Variants in KIAA1328 observed in about 807,000 individuals in gnomAD.
KIAA1328 encodes the protein protein hinderin.
In KIAA1328, 52 loss-of-function variants were observed where a neutral mutation model predicts 68.1. That is an observed-to-expected ratio of 0.76 (90% CI 0.61 to 0.96). KIAA1328 has a LOEUF of 0.96. Ranked by LOEUF, KIAA1328 falls within the 40% of genes least tolerant of loss-of-function variation. The pLI is 0.00. For missense variants in KIAA1328, 641 were observed against 677.6 expected, an observed-to-expected ratio of 0.95 and a Z score of 0.60; for synonymous variants, 232 against 239.4, an observed-to-expected ratio of 0.97 and a Z score of 0.28.
At chr18:37,020,671 C>T (rs781079019) in intron 6 of KIAA1328, among the ~76,000 whole-genome samples, 1 of 152,080 alleles carries the variant, frequency 6.6e-6, no homozygotes, top group Non-Finnish European at 1.5e-5. Flanking sequence ...AGAATTTAAT[C>T]CTGTCTCTTG....
intron 6 of KIAA1328, among the ~76,000 whole-genome samples, chr18:37,057,118 GA>G (rs1295656567): frequency 6.6e-6 from 1 of 151,886 alleles, no homozygotes; most frequent in Non-Finnish European, 1.5e-5. Flanking sequence ...TTATTACATA[GA>G]AAAAAATGTA....
At chr18:37,187,963 A>G (rs1471313962) in intron 9 of KIAA1328, among the ~76,000 whole-genome samples, 1 of 152,184 alleles carries the variant, frequency 6.6e-6, no homozygotes. Context: ...CTCACCACAA[A>G]TGGTGTTTAT....
rs145036116 is a variant in KIAA1328 at position 36,850,770 on chromosome 18, C to G, written c.332+6468C>G. Among the ~76,000 whole-genome samples, 33 of 152,274 alleles carry G rather than the reference C, an allele frequency of 2.2e-4. 1 individual carries two copies. In the East Asian group the frequency reaches 6.2e-3, roughly 29 times the overall value. The stretch of plus-strand genomic sequence containing the variant: ...GCTGGCCAAAGGATGATTCATGTCC[C>G]AGGCAGGACTGAGTTGAACTGCACC... On this transcript the variant is annotated intron_variant, in intron 4 of 9. Transcript: ENST00000280020.
intron 6 of KIAA1328, among the ~76,000 whole-genome samples, chr18:37,007,450 A>G (rs1311360973): frequency 3.9e-5 from 6 of 152,312 alleles, no homozygotes; most frequent in East Asian, 1.9e-4. Context: ...TGATTGTTCA[A>G]CTGAAAGAAC....
Position 37,224,936 on chromosome 18 carries a change from A to T in KIAA1328, c.*2709A>T. On this transcript the variant is annotated 3_prime_UTR_variant, in exon 10 of 10. Transcript: ENST00000280020. The stretch of plus-strand genomic sequence containing the variant: ...AGGCCCACAGTTCTTGATGCAGAGA[A>T]CCAAAGTGAATCATAGAAAAGCTTT... The T allele has an allele frequency of 1.0e-6, 1 of 985,476 alleles. No homozygotes were observed. Among genetic ancestry groups the T allele is most frequent in the Non-Finnish European group, 1.2e-6 (1 of 829,950 alleles). The allele number at this position is 985,476 out of a possible 1,614,324, so 61.0% of individuals were successfully genotyped here. A position where few individuals can be genotyped will look rare whatever the true frequency, so the allele number is the denominator to read the frequency against.
chr18:36,944,971 A>G (rs1314685309), intron 5 of KIAA1328, among the ~76,000 whole-genome samples: 2 of 152,192 alleles, frequency 1.3e-5, no homozygotes, highest in African/African-American at 4.8e-5. Flanking sequence ...AATAATGAGG[A>G]AGAGGGAGAG....
chr18:37,127,187 A>T (rs947204617), intron 7 of KIAA1328, among the ~76,000 whole-genome samples: 3 of 152,220 alleles, frequency 2.0e-5, no homozygotes, highest in African/African-American at 7.2e-5. Context: ...AAAAGTTACT[A>T]GAACTACTAA....
intron 5 of KIAA1328, among the ~76,000 whole-genome samples, chr18:36,942,010 G>A (rs1212316782): frequency 1.3e-5 from 2 of 152,162 alleles, no homozygotes; most frequent in African/African-American, 2.4e-5. Context: ...AATAAATATG[G>A]TACTTTGCCT....
chr18:36,992,826 A>G (rs2053242159), intron 6 of KIAA1328, among the ~76,000 whole-genome samples: 1 of 152,168 alleles, frequency 6.6e-6, no homozygotes, highest in Non-Finnish European at 1.5e-5. Flanking sequence ...AAAACAGGCC[A>G]GGTGTGATGG....
chr18:37,009,621 A>G (rs763456178), intron 6 of KIAA1328, among the ~76,000 whole-genome samples: 15 of 152,212 alleles, frequency 9.9e-5, no homozygotes, highest in Non-Finnish European at 1.8e-4. Flanking sequence ...ACAGTGTGCA[A>G]GACCATCCAC....
intron 6 of KIAA1328, among the ~76,000 whole-genome samples, chr18:37,019,063 T>G (rs2054249938): frequency 6.6e-6 from 1 of 152,212 alleles, no homozygotes; most frequent in Non-Finnish European, 1.5e-5. Context: ...GCACTTCTAA[T>G]TTTTTGTAAT....
At position 37,149,351 on chromosome 18, in the gene KIAA1328, C is replaced by G. The variant is rs151127826; in HGVS notation, c.1233-10849C>G. On this transcript the variant is annotated intron_variant, in intron 7 of 9. Coordinates refer to ENST00000280020, the MANE Select transcript of KIAA1328 (RefSeq NM_020776.3). ...TAATAAGTGGTGCTGGGAGAACTGG[C>G]TAGCCTTATGTAGAAAACTGAAACT... Among the ~76,000 whole-genome samples the G allele has an allele frequency of 6.4e-4, 98 of 152,220 alleles. 1 individual carries two copies. The East Asian group carries it at 0.018, about 28-fold the overall frequency.
intron 9 of KIAA1328, among the ~76,000 whole-genome samples, chr18:37,184,667 A>G (rs2059761141): frequency 6.6e-6 from 1 of 152,160 alleles, no homozygotes; most frequent in Non-Finnish European, 1.5e-5. Flanking sequence ...TTCACATGGA[A>G]CCTAAGTTTT....
chr18:37,034,696 T>C (rs2054960272), intron 6 of KIAA1328, among the ~76,000 whole-genome samples: 1 of 152,158 alleles, frequency 6.6e-6, no homozygotes, highest in Non-Finnish European at 1.5e-5. Flanking sequence ...AATAAAGAAA[T>C]ATGAAATATA....
At chr18:36,966,574 T>C (rs1324967280) in intron 6 of KIAA1328, among the ~76,000 whole-genome samples, 4 of 152,110 alleles carry the variant, frequency 2.6e-5, no homozygotes, top group Admixed American at 1.3e-4. Context: ...TCATCCTGCA[T>C]ATAGAGAATC....
intron 5 of KIAA1328, among the ~76,000 whole-genome samples, chr18:36,945,685 A>G (rs1383074325): frequency 2.0e-5 from 3 of 152,228 alleles, no homozygotes; most frequent in Non-Finnish European, 4.4e-5. Context: ...CCCCAAGGCC[A>G]TAGCTAATGG....
chr18:37,199,937 CATTTT>C (rs1252547046), intron 9 of KIAA1328, among the ~76,000 whole-genome samples: 1 of 152,064 alleles, frequency 6.6e-6, no homozygotes, highest in Non-Finnish European at 1.5e-5. Flanking sequence ...TTTTTAAGAA[CATTTT>C]TAAAAAGAAT....
intron 5 of KIAA1328, among the ~76,000 whole-genome samples, chr18:36,886,795 C>A (rs999258831): frequency 6.6e-5 from 10 of 152,090 alleles, no homozygotes; most frequent in African/African-American, 2.4e-4. Flanking sequence ...TTCAAAGATT[C>A]TGCAAATGTC....
At chr18:36,835,162 G>A in intron 2 of KIAA1328, 72 bp from the exon 3 acceptor site, 1 of 1,333,580 alleles carries the variant, frequency 7.5e-7, no homozygotes, top group Non-Finnish European at 1.0e-6. Flanking sequence ...GGATTCCAAG[G>A]AAGGAGTTGA....
Sources: gnomAD v4.1 joint callset for allele counts (sites outside exome capture counted in the v4.1 genomes callset) on GRCh38, gnomAD v4.1.1 for gene constraint, MANE v1.5 for transcripts, NCBI Gene and HGNC (gene_info 2026-07-23, HGNC 2026-07-21) for gene names.